The following GABRG2 variants were observed in gnomAD, a reference collection of about 807,000 sequenced individuals.
The protein encoded by GABRG2 is gamma-aminobutyric acid receptor subunit gamma-2.
A neutral mutation model predicts 56.4 loss-of-function variants in GABRG2; 16 were observed. The observed-to-expected ratio is 0.28, with a 90% CI of 0.19 to 0.43. The LOEUF (loss-of-function observed/expected upper bound fraction) is 0.43. Among genes scored for constraint, GABRG2 ranks in the 20% least tolerant of loss-of-function variants. GABRG2 has a pLI of 1.00. For synonymous variants in GABRG2, 208 were observed against 205.5 expected, an observed-to-expected ratio of 1.01 and a Z score of -0.10; for missense variants, 327 against 582.7, an observed-to-expected ratio of 0.56 and a Z score of 4.52.
chr5:162,114,340 A>T (rs998927007), intron 6 of GABRG2, among the ~76,000 whole-genome samples: 8 of 152,124 alleles, frequency 5.3e-5, no homozygotes, highest in African/African-American at 1.7e-4. Context: ...CGCTATAAAA[A>T]TGGGGAAAAT....
intron 1 of GABRG2, among the ~76,000 whole-genome samples, chr5:162,088,130 T>C (rs913731872): frequency 5.3e-5 from 8 of 152,074 alleles, no homozygotes; most frequent in African/African-American, 1.4e-4. Flanking sequence ...CCACAGGCCA[T>C]TGAAGGACCT....
chr5:162,073,563 A>G (rs1758847577), intron 1 of GABRG2, among the ~76,000 whole-genome samples: 1 of 151,968 alleles, frequency 6.6e-6, no homozygotes, highest in Admixed American at 6.6e-5. Flanking sequence ...CTCAATATTA[A>G]AGTAGAAATA....
chr5:162,089,695 A>G (rs1760411896), intron 1 of GABRG2, among the ~76,000 whole-genome samples: 1 of 152,148 alleles, frequency 6.6e-6, no homozygotes, highest in Admixed American at 6.6e-5. Flanking sequence ...CCTGTGTTAG[A>G]GAAGGATAAA....
chr5:162,076,014 T>A (rs1759076312), intron 1 of GABRG2, among the ~76,000 whole-genome samples: 1 of 151,532 alleles, frequency 6.6e-6, no homozygotes, highest in Non-Finnish European at 1.5e-5. Context: ...TAACTGGGTA[T>A]GGTAGTGCAC....
intron 8 of GABRG2, chr5:162,151,443 A>G: frequency 9.1e-6 from 3 of 330,732 alleles, no homozygotes; most frequent in Non-Finnish European, 1.6e-5. Context: ...GAACCAGGCA[A>G]TAGAAAACTT....
At chr5:162,140,084 G>A (rs998155695) in intron 6 of GABRG2, among the ~76,000 whole-genome samples, 1 of 152,162 alleles carries the variant, frequency 6.6e-6, no homozygotes, top group African/African-American at 2.4e-5. Context: ...AATAGCTTAT[G>A]TTCAATAAAT....
chr5:162,129,814 A>C (rs1374327575), intron 6 of GABRG2, among the ~76,000 whole-genome samples: 1 of 152,030 alleles, frequency 6.6e-6, no homozygotes, highest in Non-Finnish European at 1.5e-5. Context: ...ATGTCAATTT[A>C]AATAACAACA....
At chr5:162,129,859 G>A (rs1763606327) in intron 6 of GABRG2, among the ~76,000 whole-genome samples, 1 of 151,768 alleles carries the variant, frequency 6.6e-6, no homozygotes, top group Non-Finnish European at 1.5e-5. Context: ...TATATTTAAT[G>A]TTTACATAGG....
chr5:162,087,002 T>A (rs1288615712), intron 1 of GABRG2, among the ~76,000 whole-genome samples: 1 of 152,096 alleles, frequency 6.6e-6, no homozygotes, highest in Non-Finnish European at 1.5e-5. Context: ...ATGTTCATTA[T>A]TAGCAGATAA....
At chr5:162,140,054 T>C (rs1358555215) in intron 6 of GABRG2, among the ~76,000 whole-genome samples, 3 of 152,208 alleles carry the variant, frequency 2.0e-5, no homozygotes, top group African/African-American at 7.2e-5. Context: ...CAAACTAATT[T>C]ATGAAATGCT....
chr5:162,113,688 T>C (rs981945802), intron 6 of GABRG2, among the ~76,000 whole-genome samples: 4 of 152,238 alleles, frequency 2.6e-5, no homozygotes, highest in Admixed American at 2.6e-4. Context: ...ACCAATGATA[T>C]ACTTTCATCA....
Position 162,067,858 on chromosome 5 carries a change from C to T in GABRG2, c.-142C>T, listed in dbSNP as rs1758335035. 1.0e-5 allele frequency: 7 copies of T among 683,766 alleles called. No individual in the cohort carries two copies. The highest frequency in any genetic ancestry group is 1.8e-5 in the Non-Finnish European group (7 of 382,680). The allele number at this position is 683,766 out of a possible 1,614,324, so 42.4% of individuals were successfully genotyped here. A position where few individuals can be genotyped will look rare whatever the true frequency, so the allele number is the denominator to read the frequency against. Reference sequence around the variant, plus strand: ...GAATATTAATTCCCTAATCTGGTAGCAATCCATCTCCCCAGTGAAGGACCT... The same window carrying T: ...GAATATTAATTCCCTAATCTGGTAGTAATCCATCTCCCCAGTGAAGGACCT... On this transcript the variant is annotated 5_prime_UTR_variant, in exon 1 of 10. Coordinates refer to ENST00000639213, the MANE Select transcript of GABRG2 (RefSeq NM_198904.4).
At chr5:162,134,598 G>A (rs1283780927) in intron 6 of GABRG2, among the ~76,000 whole-genome samples, 1 of 152,148 alleles carries the variant, frequency 6.6e-6, no homozygotes, top group Non-Finnish European at 1.5e-5. Flanking sequence ...TTAGTGACAG[G>A]ATTCGAATTT....
chr5:162,121,440 C>T (rs889919991), intron 6 of GABRG2, among the ~76,000 whole-genome samples: 1 of 152,004 alleles, frequency 6.6e-6, no homozygotes, highest in Non-Finnish European at 1.5e-5. Flanking sequence ...GACTCTAGTT[C>T]AAAGCAAAGG....
chr5:162,093,566 A>T (rs1760773245), intron 1 of GABRG2, among the ~76,000 whole-genome samples: 1 of 152,150 alleles, frequency 6.6e-6, no homozygotes, highest in Non-Finnish European at 1.5e-5. Flanking sequence ...AAGAACATCA[A>T]ATATGGGAAA....
intron 6 of GABRG2, among the ~76,000 whole-genome samples, chr5:162,115,739 G>A (rs1202846728): frequency 2.6e-5 from 4 of 152,030 alleles, no homozygotes; most frequent in Non-Finnish European, 5.9e-5. Context: ...TAATTTATTA[G>A]CCTATTATTT....
At chr5:162,086,975 G>A (rs1348993692) in intron 1 of GABRG2, among the ~76,000 whole-genome samples, 1 of 151,880 alleles carries the variant, frequency 6.6e-6, no homozygotes, top group Non-Finnish European at 1.5e-5. Context: ...AAATTTCTGG[G>A]TTATAGAGTA....
intron 1 of GABRG2, among the ~76,000 whole-genome samples, chr5:162,088,043 C>T (rs73304534): frequency 0.014 from 2,133 of 152,152 alleles, 51 homozygotes; most frequent in African/African-American, 0.049. Flanking sequence ...CTCACATGTG[C>T]ACACTCATGC....
chr5:162,104,528 TTATAAGC>T (rs1440910460), intron 6 of GABRG2, among the ~76,000 whole-genome samples: 5 of 152,136 alleles, frequency 3.3e-5, no homozygotes, highest in Non-Finnish European at 5.9e-5. Flanking sequence ...ATTGCATCAG[TTATAAGC>T]TATAGACATT....
Sources: gnomAD v4.1 joint callset for allele counts (sites outside exome capture counted in the v4.1 genomes callset) on GRCh38, gnomAD v4.1.1 for gene constraint, MANE v1.5 for transcripts, NCBI Gene and HGNC (gene_info 2026-07-23, HGNC 2026-07-21) for gene names.